Variants in FBLN1 observed in about 807,000 individuals in gnomAD.
The protein encoded by FBLN1 is fibulin 1.
Under a neutral mutation model 89.7 loss-of-function variants are expected in FBLN1, and 34 were observed. The ratio of observed to expected loss-of-function variants is 0.38; its 90% confidence interval spans 0.29 to 0.50. The LOEUF (loss-of-function observed/expected upper bound fraction) is 0.50. FBLN1 is among the 20% of genes least tolerant of loss of function. The probability of loss-of-function intolerance (pLI) is 0.92; values close to 1 mark genes in which losing one functional copy is unlikely to be tolerated. For synonymous variants in FBLN1, 393 were observed against 391.3 expected (o/e 1.00, Z -0.05); for missense variants, 777 against 988.1 (o/e 0.79, Z 2.86).
intron 2 of FBLN1, among the ~76,000 whole-genome samples, chr22:45,521,393 C>G (rs1034122987): frequency 2.0e-5 from 3 of 152,138 alleles, no homozygotes; most frequent in Non-Finnish European, 4.4e-5. Context: ...TCACTTAGGC[C>G]CCAGGAGGCC....
Position 45,557,958 on chromosome 22 carries a change from A to G in FBLN1, c.1697+7343A>G, listed in dbSNP as rs567441790. The G allele has an allele frequency of 8.8e-6, 6 of 682,490 alleles. No homozygotes were observed. The Admixed American group carries it at 1.2e-4, about 14-fold the overall frequency. 42.3% of individuals were successfully genotyped at this position (682,490 alleles called of 1,614,324 possible). A position where few individuals can be genotyped will look rare whatever the true frequency, so the allele number is the denominator to read the frequency against. ...AGATTTCCCTTTGCCACTGTCCTTC[A>G]GGGATGTCCTAGAAAGGGGCAGTAG... is the stretch of plus-strand genomic sequence containing the variant. On this transcript the variant is annotated intron_variant, in intron 14 of 16. Coordinates refer to ENST00000327858, the MANE Select transcript of FBLN1 (RefSeq NM_006486.3). This position sits in a 1 kb window ranked among gnomAD's most constrained non-coding sequence, Gnocchi z 4.9.
chr22:45,573,237 A>C (rs1447417618), intron 14 of FBLN1, among the ~76,000 whole-genome samples: 1 of 151,952 alleles, frequency 6.6e-6, no homozygotes, highest in Non-Finnish European at 1.5e-5. Context: ...ATAAATAAAT[A>C]AATAAATAAA....
Position 45,562,086 on chromosome 22 carries a change from T to C in FBLN1, c.1697+11471T>C, listed in dbSNP as rs2088855672. On this transcript the variant is annotated intron_variant, in intron 14 of 16. Transcript: ENST00000327858. This position sits in a 1 kb window ranked among gnomAD's most constrained non-coding sequence, Gnocchi z 7.8. ...ACCCAGGATCAATACTTTGTATCCT[T>C]CAATCCAATCAAGTTGACACTATTA... 6.6e-6 allele frequency among the ~76,000 whole-genome samples: 1 copy of C among 152,166 alleles called. No individual in the cohort carries two copies. Among genetic ancestry groups the C allele is most frequent in the African/African-American group, 2.4e-5 (1 of 41,432 alleles).
At position 45,580,812 on chromosome 22, in the gene FBLN1, AG is replaced by A. The variant is rs1414352444; in HGVS notation, c.1972+3705del. On this transcript the variant is annotated intron_variant, in intron 16 of 16. Coordinates refer to ENST00000327858, the MANE Select transcript of FBLN1 (RefSeq NM_006486.3). This position sits in a 1 kb window ranked among gnomAD's most constrained non-coding sequence, Gnocchi z 8.6. ...CAGAAGAAGAGGGAGAAATGCCCCG[AG>A]TCCACTAAGAACCTGCAAGGGCCGG... 6.6e-6 allele frequency among the ~76,000 whole-genome samples: 1 copy of A among 152,180 alleles called. No individual in the cohort carries two copies. Among genetic ancestry groups the A allele is most frequent in the Admixed American group, 6.5e-5 (1 of 15,284 alleles).
intron 14 of FBLN1, among the ~76,000 whole-genome samples, chr22:45,568,117 T>C (rs961637841): frequency 6.6e-6 from 1 of 152,002 alleles, no homozygotes; most frequent in African/African-American, 2.4e-5. Flanking sequence ...AAGGTCCGGG[T>C]AAATGTGGAA....
In FBLN1 at chr22:45,576,867, G is replaced by C; in HGVS notation, c.1841-110G>C. 7.5e-7 allele frequency: 1 copy of C among 1,335,972 alleles called. No individual in the cohort carries two copies. 82.8% of individuals were successfully genotyped at this position (1,335,972 alleles called of 1,614,324 possible). Reference sequence around the variant, plus strand: ...GCTTCATTGATGTTGTCTCATGAAAGGGCCCTGGGTTAGGTCTTCATTCCC... The same window carrying C: ...GCTTCATTGATGTTGTCTCATGAAACGGCCCTGGGTTAGGTCTTCATTCCC... On this transcript the variant is annotated intron_variant, in intron 15 of 16. Coordinates refer to ENST00000327858, the MANE Select transcript of FBLN1 (RefSeq NM_006486.3). The surrounding 1 kb of genome is among the most constrained non-coding windows in gnomAD (Gnocchi z 5.2).
chr22:45,599,555 T>G (rs990424183), intron 16 of FBLN1, among the ~76,000 whole-genome samples: 7 of 152,062 alleles, frequency 4.6e-5, no homozygotes, highest in African/African-American at 1.7e-4. Flanking sequence ...CACAGGGGGT[T>G]GGAAGGAGGG....
intron 1 of FBLN1, among the ~76,000 whole-genome samples, chr22:45,508,253 C>T (rs1670649296): frequency 6.6e-6 from 1 of 151,316 alleles, no homozygotes; most frequent in Non-Finnish European, 1.5e-5. Context: ...TGACGTCATA[C>T]CCCTCACCAG....
At chr22:45,566,151 C>T (rs907296355) in intron 14 of FBLN1, among the ~76,000 whole-genome samples, 5 of 152,092 alleles carry the variant, frequency 3.3e-5, no homozygotes, top group Admixed American at 6.5e-5. Context: ...TTGTCAGGGG[C>T]GGGATTACTC....
chr22:45,534,305 A>AAAAAAAAAAAAAAAAAAAAAAAAAAAAAG, intron 7 of FBLN1, among the ~76,000 whole-genome samples: 1 of 149,418 alleles, frequency 6.7e-6, no homozygotes, highest in South Asian at 2.1e-4. Context: ...AAAAAAAAAA[A>AAAAAAAAAAAAAAAAAAAAAAAAAAAAAG]AAAAAAAAAA....
chr22:45,598,360 T>G (rs576818409), intron 16 of FBLN1, among the ~76,000 whole-genome samples: 1 of 152,320 alleles, frequency 6.6e-6, no homozygotes, highest in South Asian at 2.1e-4. Context: ...GTTAGATAGT[T>G]ACCCCACATC....
In FBLN1 at chr22:45,503,204, C is replaced by T. The variant is rs938371812; in HGVS notation, c.79+140C>T. 1.8e-5 allele frequency: 8 copies of T among 433,152 alleles called. 1 individual carries two copies. The highest frequency in any genetic ancestry group is 2.8e-5 in the Non-Finnish European group (8 of 289,482). 26.8% of individuals were successfully genotyped at this position (433,152 alleles called of 1,614,324 possible). A position where few individuals can be genotyped will look rare whatever the true frequency, so the allele number is the denominator to read the frequency against. ...CGCCCCCGGACTGTCAGCGCCGAGG[C>T]CTCGGCGACGCCCCCCTCCCCCACG... is the stretch of plus-strand genomic sequence containing the variant. On this transcript the variant is annotated intron_variant, in intron 1 of 16. Transcript: ENST00000327858.
At position 45,518,750 on chromosome 22, in the gene FBLN1, T is replaced by C; in HGVS notation, c.148T>C (p.Cys50Arg). The change falls in exon 2 of 17, where the codon TGC becomes CGC. Residue 50 changes from cysteine to arginine, a missense_variant. Cys to Arg is a radical substitution (Grantham distance 180). Transcript: ENST00000327858. ...CCGGATGGCCACTCATCAGAAGGAC[T>C]GCTCGCTGCCATATGCTACGGAATC... Reference protein sequence around the residue: ...GHRMATHQKDCSLPYATESKE... With the variant: ...GHRMATHQKDRSLPYATESKE... The C allele has an allele frequency of 1.2e-6, 2 of 1,612,512 alleles. No homozygotes were observed. The highest frequency in any genetic ancestry group is 1.7e-6 in the Non-Finnish European group (2 of 1,179,394).
chr22:45,547,244 T>C (rs1210321593), intron 12 of FBLN1, 40 bp downstream of exon 12: 2 of 1,610,638 alleles, frequency 1.2e-6, no homozygotes, highest in African/African-American at 1.3e-5. Flanking sequence ...AAGCACCCCC[T>C]GGTCTTGCCA....
chr22:45,565,036 G>T (rs749899408), intron 14 of FBLN1: 1 of 1,610,838 alleles, frequency 6.2e-7, no homozygotes. Flanking sequence ...CACACCTTGC[G>T]CTGAGCAGCT....
Position 45,531,533 on chromosome 22 carries a change from C to A in FBLN1, c.544+209C>A, listed in dbSNP as rs1480066801. Among the ~76,000 whole-genome samples, 1 of 152,110 alleles carries A rather than the reference C, an allele frequency of 6.6e-6. No homozygotes were observed. The highest frequency in any genetic ancestry group is 6.5e-5 in the Admixed American group (1 of 15,282). On this transcript the variant is annotated intron_variant, in intron 5 of 16. Transcript: ENST00000327858. This position sits in a 1 kb window ranked among gnomAD's most constrained non-coding sequence, Gnocchi z 4.9. ...GGACCCCGTCTCAAAAACAAAAAAA[C>A]AAACAAACAAAAAGCAAAACCAAGG...
At position 45,576,072 on chromosome 22, in the gene FBLN1, G is replaced by A. The variant is rs141282793; in HGVS notation, c.1841-905G>A. 4.3e-3 allele frequency among the ~76,000 whole-genome samples: 658 copies of A among 152,314 alleles called. 4 individuals are homozygous for A. Among genetic ancestry groups the A allele is most frequent in the African/African-American group, 0.015 (620 of 41,554 alleles). On this transcript the variant is annotated intron_variant, in intron 15 of 16. Coordinates refer to ENST00000327858, the MANE Select transcript of FBLN1 (RefSeq NM_006486.3). This position sits in a 1 kb window ranked among gnomAD's most constrained non-coding sequence, Gnocchi z 5.2. ...GGGGGAGGAGAGGCTCCCTCAGCACGTGGTTGCCCAAGGAGCCGTCCCCAG... is the reference window on the plus strand; with the variant it reads ...GGGGGAGGAGAGGCTCCCTCAGCACATGGTTGCCCAAGGAGCCGTCCCCAG...
chr22:45,517,314 G>A (rs1038401668), intron 1 of FBLN1: 31 of 322,584 alleles, frequency 9.6e-5, no homozygotes, highest in East Asian at 2.0e-4. Flanking sequence ...TGGGGCTGTC[G>A]TGCTAATGCT....
intron 2 of FBLN1, among the ~76,000 whole-genome samples, chr22:45,522,071 C>T (rs1321493728): frequency 6.6e-6 from 1 of 152,056 alleles, no homozygotes; most frequent in Non-Finnish European, 1.5e-5. Context: ...CTGCAACCTC[C>T]GCTTCCTGGG....
Sources: gnomAD v4.1 joint callset for allele counts (sites outside exome capture counted in the v4.1 genomes callset) on GRCh38, gnomAD v4.1.1 for gene constraint, Gnocchi (gnomAD v3.1) non-coding constraint, MANE v1.5 for transcripts, NCBI Gene and HGNC (gene_info 2026-07-23, HGNC 2026-07-21) for gene names.